PRLR: variants seen among roughly 807,000 people sequenced by gnomAD.
The protein encoded by PRLR is hPRL receptor.
Under a neutral mutation model 40.2 loss-of-function variants are expected in PRLR, and 13 were observed. The observed-to-expected ratio is 0.32, with a 90% CI of 0.21 to 0.51. The LOEUF (loss-of-function observed/expected upper bound fraction) is 0.51, where lower values mean the gene tolerates loss of function less well. Among genes scored for constraint, PRLR ranks in the 20% least tolerant of loss-of-function variants. The pLI is 0.97. For missense variants in PRLR, 656 were observed against 747.3 expected, an observed-to-expected ratio of 0.88 and a Z score of 1.42; for synonymous variants, 269 against 278.7, an observed-to-expected ratio of 0.97 and a Z score of 0.35.
intron 1 of PRLR, among the ~76,000 whole-genome samples, chr5:35,179,423 A>G (rs1237441189): frequency 6.6e-6 from 1 of 152,144 alleles, no homozygotes; most frequent in Non-Finnish European, 1.5e-5. Flanking sequence ...GCTACAGGCC[A>G]CGCGAATAAG....
intron 1 of PRLR, among the ~76,000 whole-genome samples, chr5:35,193,197 G>A (rs187178266): frequency 1.6e-4 from 24 of 152,204 alleles, no homozygotes; most frequent in Non-Finnish European, 1.6e-4. Flanking sequence ...CTCAACTCCC[G>A]TAGTTATGCA....
In PRLR at chr5:35,065,439, A is replaced by G; in HGVS notation, c.1519T>C (p.Leu507=). 6.2e-7 allele frequency: 1 copy of G among 1,614,106 alleles called. No individual in the cohort carries two copies. The highest frequency in any genetic ancestry group is 8.5e-7 in the Non-Finnish European group (1 of 1,180,006). ...ACCTTGTGAATCTCCACATAATCCAAGGGTTTAGCGGAGCCAAAGGGGGTT... is the reference window on the plus strand; with the variant it reads ...ACCTTGTGAATCTCCACATAATCCAGGGGTTTAGCGGAGCCAAAGGGGGTT... ...EKTPFGSAKP[L]DYVEIHKVNK... is the part of the protein sequence containing the mutation. The change falls in exon 10 of 10, where the codon TTG becomes CTG. Residue 507 remains leucine, a synonymous_variant. Coordinates refer to ENST00000618457, the MANE Select transcript of PRLR (RefSeq NM_000949.7).
chr5:35,114,941 C>T (rs1226581131), intron 2 of PRLR, among the ~76,000 whole-genome samples: 1 of 152,210 alleles, frequency 6.6e-6, no homozygotes, highest in African/African-American at 2.4e-5. Context: ...TATCCCTGCC[C>T]ACAGAGCTGG....
intron 1 of PRLR, among the ~76,000 whole-genome samples, chr5:35,175,876 T>C (rs1039429): frequency 0.13 from 20,185 of 152,106 alleles, 1,539 homozygotes; most frequent in African/African-American, 0.21. Flanking sequence ...AGTTACAAGA[T>C]ACTGAGAGGC....
chr5:35,114,659 T>G (rs1195798000), intron 2 of PRLR, among the ~76,000 whole-genome samples: 1 of 152,060 alleles, frequency 6.6e-6, no homozygotes, highest in African/African-American at 2.4e-5. Context: ...AGATTTCCCT[T>G]TGTGTGGGAG....
chr5:35,229,970 G>C (rs79065092), intron 1 of PRLR, among the ~76,000 whole-genome samples: 2,047 of 152,312 alleles, frequency 0.013, 16 homozygotes, highest in Non-Finnish European at 0.02. Context: ...AGGCGAATGC[G>C]AGCCGAGTGC....
chr5:35,171,332 T>C (rs1235530850), intron 1 of PRLR, among the ~76,000 whole-genome samples: 3 of 152,122 alleles, frequency 2.0e-5, no homozygotes, highest in African/African-American at 7.2e-5. Context: ...AAATTTACCA[T>C]TGGATAGAGG....
chr5:35,073,483 G>A (rs1018941685), intron 5 of PRLR, among the ~76,000 whole-genome samples: 28 of 152,128 alleles, frequency 1.8e-4, no homozygotes, highest in African/African-American at 6.3e-4. Context: ...TCTCTGCATC[G>A]TTTCTTATAA....
intron 2 of PRLR, among the ~76,000 whole-genome samples, chr5:35,116,661 C>A (rs1021311375): frequency 5.9e-5 from 9 of 152,146 alleles, no homozygotes; most frequent in African/African-American, 2.2e-4. Flanking sequence ...GGGGTAGAAG[C>A]CAAGACGGGA....
intron 2 of PRLR, among the ~76,000 whole-genome samples, chr5:35,092,832 GGT>G (rs1771300136): frequency 6.6e-6 from 1 of 152,154 alleles, no homozygotes; most frequent in Non-Finnish European, 1.5e-5. Flanking sequence ...CTGAAGAGCA[GGT>G]TTATAGCAAG....
At chr5:35,072,788 C>G (rs200430244) in intron 5 of PRLR, 44 bp from the exon 6 acceptor site, 1 of 1,592,278 alleles carries the variant, frequency 6.3e-7, no homozygotes, top group East Asian at 2.2e-5. Context: ...TTGCTTGCAC[C>G]TTTTCTTTGG....
At chr5:35,073,139 C>G (rs1007853270) in intron 5 of PRLR, among the ~76,000 whole-genome samples, 3 of 152,140 alleles carry the variant, frequency 2.0e-5, no homozygotes, top group African/African-American at 7.2e-5. Flanking sequence ...TTTCCCTCAG[C>G]TGGGCATGAG....
intron 2 of PRLR, among the ~76,000 whole-genome samples, chr5:35,116,816 T>C (rs1773051525): frequency 6.6e-6 from 1 of 152,198 alleles, no homozygotes; most frequent in African/African-American, 2.4e-5. Flanking sequence ...TATTTGCTAA[T>C]GTTATTGTGA....
At chr5:35,090,386 T>G (rs932859830) in intron 2 of PRLR, among the ~76,000 whole-genome samples, 14 of 152,120 alleles carry the variant, frequency 9.2e-5, no homozygotes, top group Non-Finnish European at 1.6e-4. Flanking sequence ...AATACTAATA[T>G]TATTACCCTT....
chr5:35,129,940 A>G (rs1203923564), intron 1 of PRLR, among the ~76,000 whole-genome samples: 2 of 152,214 alleles, frequency 1.3e-5, no homozygotes, highest in East Asian at 3.9e-4. Flanking sequence ...AAGCCAGGTG[A>G]CTTACCCTGG....
downstream of PRLR, among the ~76,000 whole-genome samples, chr5:35,053,607 C>A (rs1028879030): frequency 2.6e-5 from 4 of 152,034 alleles, no homozygotes; most frequent in Non-Finnish European, 5.9e-5. Context: ...GAGAGGGTAC[C>A]TAGGGATGAA....
At chr5:35,178,607 A>T (rs910691843) in intron 1 of PRLR, among the ~76,000 whole-genome samples, 11 of 152,228 alleles carry the variant, frequency 7.2e-5, no homozygotes, top group African/African-American at 2.7e-4. Context: ...GCTCTATGAT[A>T]AATTTAGTAT....
chr5:35,053,666 T>C (rs79633949), downstream of PRLR, among the ~76,000 whole-genome samples: 1,728 of 152,296 alleles, frequency 0.011, 29 homozygotes, highest in African/African-American at 0.039. Context: ...TAAAGTTTTA[T>C]TGAAGCCCAA....
At chr5:35,092,602 C>T (rs984752818) in intron 2 of PRLR, among the ~76,000 whole-genome samples, 3 of 151,976 alleles carry the variant, frequency 2.0e-5, no homozygotes, top group Middle Eastern at 3.2e-3. Context: ...AGATCTTGAT[C>T]GAGGGCAGGC....
Sources: gnomAD v4.1 joint callset for allele counts (sites outside exome capture counted in the v4.1 genomes callset) on GRCh38, gnomAD v4.1.1 for gene constraint, MANE v1.5 for transcripts, NCBI Gene and HGNC (gene_info 2026-07-23, HGNC 2026-07-21) for gene names.